Variants in MAPKAP1 observed in about 807,000 individuals in gnomAD.
The protein encoded by MAPKAP1 is MAPK associated protein 1.
In MAPKAP1, 20 loss-of-function variants were observed where a neutral mutation model predicts 65.7. The observed-to-expected ratio is 0.30, with a 90% CI of 0.21 to 0.44. The LOEUF is 0.44. MAPKAP1 is among the 20% of genes least tolerant of loss of function. MAPKAP1 has a pLI of 1.00. For synonymous variants in MAPKAP1, 222 were observed against 244.3 expected, an observed-to-expected ratio of 0.91 and a Z score of 0.85; for missense variants, 423 against 648.0, an observed-to-expected ratio of 0.65 and a Z score of 3.77.
chr9:125,556,710 A>G (rs1830745986), intron 6 of MAPKAP1, among the ~76,000 whole-genome samples: 1 of 152,096 alleles, frequency 6.6e-6, no homozygotes, highest in Non-Finnish European at 1.5e-5. Flanking sequence ...GGCTTTATTT[A>G]TTTTGCTGGG....
chr9:125,706,075 A>C (rs911087989), intron 1 of MAPKAP1, among the ~76,000 whole-genome samples: 2 of 152,184 alleles, frequency 1.3e-5, no homozygotes, highest in Admixed American at 1.3e-4. Context: ...AGGTGTGTAA[A>C]CTGAAAAACA....
intron 4 of MAPKAP1, among the ~76,000 whole-genome samples, chr9:125,609,510 G>A (rs186122905): frequency 1.2e-3 from 181 of 152,238 alleles, no homozygotes; most frequent in Admixed American, 2.2e-3. Flanking sequence ...TTAAGAAAGA[G>A]TATGTTGTTT....
At position 125,437,429 on chromosome 9, in the gene MAPKAP1, T is replaced by A. The variant is rs1852328358; in HGVS notation, c.*1458A>T. ...TATGACTTTTATTTTAATATCATTT[T>A]AATATCGAATATGTCACAAGATTTA... On this transcript the variant is annotated 3_prime_UTR_variant, in exon 12 of 12. Coordinates refer to ENST00000265960, the MANE Select transcript of MAPKAP1 (RefSeq NM_001006617.3). The A allele has an allele frequency of 6.6e-6, 1 of 152,500 alleles. No individual in the cohort carries two copies. The allele number at this position is 152,500 out of a possible 1,614,324, so 9.4% of individuals were successfully genotyped here.
intron 4 of MAPKAP1, among the ~76,000 whole-genome samples, chr9:125,593,725 T>G (rs911215261): frequency 6.6e-6 from 1 of 152,190 alleles, no homozygotes; most frequent in African/African-American, 2.4e-5. Flanking sequence ...TTGAACAACA[T>G]TCTCCAGAGC....
At chr9:125,556,626 C>T (rs575458395) in intron 6 of MAPKAP1, among the ~76,000 whole-genome samples, 51 of 152,170 alleles carry the variant, frequency 3.4e-4, no homozygotes, top group Non-Finnish European at 6.2e-4. Flanking sequence ...TCTTCCCAGC[C>T]ACTTCTTGTC....
chr9:125,547,868 G>A (rs1000881830), intron 6 of MAPKAP1, among the ~76,000 whole-genome samples: 2 of 152,218 alleles, frequency 1.3e-5, no homozygotes, highest in Admixed American at 6.5e-5. Flanking sequence ...AAGCAGGTAT[G>A]TTCTGCCTCA....
intron 5 of MAPKAP1, among the ~76,000 whole-genome samples, chr9:125,580,161 T>C (rs1831573573): frequency 6.6e-6 from 1 of 152,162 alleles, no homozygotes; most frequent in African/African-American, 2.4e-5. Context: ...AGAAATACCA[T>C]TTGACCCACC....
chr9:125,596,737 C>T (rs1250748596), intron 4 of MAPKAP1: 2 of 505,364 alleles, frequency 4.0e-6, no homozygotes. Flanking sequence ...GGTGGCAAGG[C>T]CTAGCTGCTA....
intron 8 of MAPKAP1, among the ~76,000 whole-genome samples, chr9:125,497,784 C>G (rs1828851973): frequency 6.6e-6 from 1 of 152,202 alleles, no homozygotes; most frequent in African/African-American, 2.4e-5. Context: ...TGTTAGTATT[C>G]CATAAAGCCA....
chr9:125,667,388 T>G (rs1036379751), intron 3 of MAPKAP1, among the ~76,000 whole-genome samples: 22 of 152,216 alleles, frequency 1.4e-4, no homozygotes. Context: ...GGCGCGATTT[T>G]AGCTCCCTGC....
chr9:125,647,491 C>T (rs936442664), intron 4 of MAPKAP1, among the ~76,000 whole-genome samples: 3 of 152,172 alleles, frequency 2.0e-5, no homozygotes, highest in Admixed American at 6.5e-5. Flanking sequence ...AGATCCGAGC[C>T]GTAGACAGTA....
chr9:125,583,498 T>C (rs1474362963), intron 5 of MAPKAP1, among the ~76,000 whole-genome samples: 1 of 152,218 alleles, frequency 6.6e-6, no homozygotes, highest in Non-Finnish European at 1.5e-5. Context: ...ACAAACTCAA[T>C]AAATATTTTC....
intron 8 of MAPKAP1, among the ~76,000 whole-genome samples, chr9:125,494,959 A>C (rs1239905413): frequency 1.3e-5 from 2 of 152,200 alleles, no homozygotes; most frequent in Admixed American, 1.3e-4. Context: ...GCATGAACAA[A>C]TATGTGCCCA....
chr9:125,541,133 A>T (rs1236591118), intron 7 of MAPKAP1, among the ~76,000 whole-genome samples: 2 of 152,242 alleles, frequency 1.3e-5, no homozygotes, highest in Non-Finnish European at 2.9e-5. Context: ...ACTGTTTTTC[A>T]GATAACGAGT....
At chr9:125,557,920 G>T (rs564981260) in intron 6 of MAPKAP1, among the ~76,000 whole-genome samples, 1 of 152,220 alleles carries the variant, frequency 6.6e-6, no homozygotes, top group Admixed American at 6.5e-5. Context: ...GCAATGGCGC[G>T]ATCTCAGCTA....
intron 9 of MAPKAP1, among the ~76,000 whole-genome samples, chr9:125,482,008 T>G (rs1042268232): frequency 6.6e-6 from 1 of 151,032 alleles, no homozygotes; most frequent in Non-Finnish European, 1.5e-5. Context: ...GGTGGGCGCC[T>G]GTAATCCCAG....
chr9:125,608,586 T>C (rs1832506563), intron 4 of MAPKAP1, among the ~76,000 whole-genome samples: 2 of 152,336 alleles, frequency 1.3e-5, no homozygotes, highest in South Asian at 4.1e-4. Flanking sequence ...GACATCAGCA[T>C]TTCCGCCTTC....
At chr9:125,444,183 G>A (rs1852609135) in intron 11 of MAPKAP1, among the ~76,000 whole-genome samples, 1 of 152,228 alleles carries the variant, frequency 6.6e-6, no homozygotes, top group South Asian at 2.1e-4. Context: ...CCTGACAATG[G>A]TTGCAGGAAA....
At chr9:125,682,446 AAAT>A (rs1206821669) in intron 1 of MAPKAP1, among the ~76,000 whole-genome samples, 1 of 152,250 alleles carries the variant, frequency 6.6e-6, no homozygotes, top group African/African-American at 2.4e-5. Flanking sequence ...AAGTGTTTTG[AAAT>A]AATGTTTATG....
Sources: allele counts gnomAD v4.1 joint callset (sites outside exome capture counted in the v4.1 genomes callset), GRCh38; gene constraint gnomAD v4.1.1; transcripts MANE v1.5; gene names NCBI Gene and HGNC (gene_info 2026-07-23, HGNC 2026-07-21).